Variants in CFHR5 observed in about 807,000 individuals in gnomAD.
The protein encoded by CFHR5 is complement factor H-related protein 5.
A neutral mutation model predicts 62.9 loss-of-function variants in CFHR5; 73 were observed. The ratio of observed to expected loss-of-function variants is 1.16; its 90% CI spans 0.96 to 1.41. CFHR5 has a LOEUF of 1.41. Among genes scored for constraint, CFHR5 ranks in the 40% most tolerant of loss-of-function variants. CFHR5 has a pLI of 0.00. For missense variants in CFHR5, 779 were observed against 679.9 expected, an observed-to-expected ratio of 1.15 and a Z score of -1.62; for synonymous variants, 249 against 227.2, an observed-to-expected ratio of 1.10 and a Z score of -0.86.
chr1:196,996,232 A>C, intron 6 of CFHR5, 31 bp downstream of exon 6: 1 of 1,514,696 alleles, frequency 6.6e-7, no homozygotes, highest in Non-Finnish European at 9.2e-7. Flanking sequence ...TTTATATTTG[A>C]TTATTTATCA....
intron 1 of CFHR5, 88 bp from the exon 2 acceptor site, chr1:196,982,793 CAAAA>C (rs1653574825): frequency 3.2e-6 from 4 of 1,263,606 alleles, no homozygotes; most frequent in Non-Finnish European, 4.6e-6. Flanking sequence ...GAATGAAAAA[CAAAA>C]CTATAAATGA....
intron 7 of CFHR5, among the ~76,000 whole-genome samples, chr1:197,002,030 C>A (rs1008885903): frequency 5.3e-5 from 8 of 152,070 alleles, no homozygotes; most frequent in Non-Finnish European, 1.0e-4. Flanking sequence ...AAATGCAAGT[C>A]ATGGAAATCC....
At chr1:196,987,283 T>C (rs1263905964) in intron 3 of CFHR5, among the ~76,000 whole-genome samples, 1 of 152,024 alleles carries the variant, frequency 6.6e-6, no homozygotes, top group Non-Finnish European at 1.5e-5. Flanking sequence ...ATGGGTAGAT[T>C]GCAAAGATTT....
At chr1:197,004,603 A>T in intron 8 of CFHR5, 58 bp from the exon 9 acceptor site, 1 of 1,298,936 alleles carries the variant, frequency 7.7e-7, no homozygotes, top group Non-Finnish European at 1.1e-6. Context: ...ATGATGCTTC[A>T]TTATATTATT....
chr1:196,981,517 T>TAC (rs1395632834), intron 1 of CFHR5, among the ~76,000 whole-genome samples: 2 of 151,684 alleles, frequency 1.3e-5, no homozygotes, highest in South Asian at 2.1e-4. Context: ...AATATATATA[T>TAC]ACACAAGAAA....
At chr1:196,978,583 A>T (rs966334207) in intron 1 of CFHR5, among the ~76,000 whole-genome samples, 1 of 152,196 alleles carries the variant, frequency 6.6e-6, no homozygotes, top group African/African-American at 2.4e-5. Context: ...CAGTCCTGAC[A>T]TAAGAGAAAA....
At position 196,994,061 on chromosome 1, in the gene CFHR5, C is replaced by A. The variant is rs779465018; in HGVS notation, c.431-19C>A. 1 of 1,589,064 alleles carries A rather than the reference C, an allele frequency of 6.3e-7. No homozygotes were observed. Among genetic ancestry groups the A allele is most frequent in the East Asian group, 2.2e-5 (1 of 44,632 alleles). ...TCTGCAATGAAAATTCACATATGTT[C>A]ATTTAATTTTATTTTTAGAAGGAGA... On this transcript the variant is annotated intron_variant, in intron 3 of 9. Coordinates refer to ENST00000256785, the MANE Select transcript of CFHR5 (RefSeq NM_030787.4).
chr1:197,002,457 A>C, intron 7 of CFHR5, 25 bp from the exon 8 acceptor site: 1 of 1,583,298 alleles, frequency 6.3e-7, no homozygotes, highest in Non-Finnish European at 8.7e-7. Flanking sequence ...TATTAATCAT[A>C]TAATTTAATT....
At chr1:196,975,812 G>A (rs375783922), upstream of CFHR5, among the ~76,000 whole-genome samples, 2 of 152,104 alleles carry the variant, frequency 1.3e-5, no homozygotes, top group Non-Finnish European at 2.9e-5. Flanking sequence ...TTCAATTCAG[G>A]CACAGGGCAG....
chr1:197,002,261 T>C (rs1654172126), intron 7 of CFHR5, among the ~76,000 whole-genome samples: 1 of 152,108 alleles, frequency 6.6e-6, no homozygotes, highest in South Asian at 2.1e-4. Flanking sequence ...TTTAAACTAA[T>C]GGTTATAACA....
At position 197,007,767 on chromosome 1, in the gene CFHR5, ATATGT is replaced by A. The variant is rs1015588796; in HGVS notation, c.1514-714_1514-710del. Among the ~76,000 whole-genome samples, 82 of 147,524 alleles carry A rather than the reference ATATGT, an allele frequency of 5.6e-4. 1 individual carries two copies. Among genetic ancestry groups the A allele is most frequent in the African/African-American group, 1.4e-3 (57 of 40,614 alleles). ...TATGTATACATATAATATACATATA[ATATGT>A]TATGTATAATATATTATATTATACA... On this transcript the variant is annotated intron_variant, in intron 9 of 9. Coordinates refer to ENST00000256785, the MANE Select transcript of CFHR5 (RefSeq NM_030787.4).
chr1:196,989,977 G>A (rs143906875), intron 3 of CFHR5, among the ~76,000 whole-genome samples: 2,029 of 152,224 alleles, frequency 0.013, 57 homozygotes, highest in African/African-American at 0.046. Context: ...GGGTGTTAAA[G>A]TCTCCCATTA....
At chr1:197,005,064 T>A (rs1037319024) in intron 9 of CFHR5, among the ~76,000 whole-genome samples, 3 of 152,194 alleles carry the variant, frequency 2.0e-5, no homozygotes, top group Admixed American at 2.0e-4. Context: ...CTACATGTGA[T>A]AAGGTGCATT....
rs111327589 is a variant in CFHR5 at position 196,998,292 on chromosome 1, G to C, written c.1135G>C (p.Val379Leu). Residue 379 changes from valine to leucine, a missense_variant, in exon 7 of 10, where the codon GTA becomes CTA. Physicochemically the swap from Val to Leu is conservative, Grantham distance 32. Transcript: ENST00000256785. ...TATAAACGGGAAATGGAATCCTGAAGTAGACTGCACAGGTAAGATTTGTTT... is the reference window on the plus strand; with the variant it reads ...TATAAACGGGAAATGGAATCCTGAACTAGACTGCACAGGTAAGATTTGTTT... ...VCINGKWNPE[V>L]DCTEKREQFC... is the part of the protein sequence containing the mutation. 1,774 of 1,610,934 alleles carry C rather than the reference G, an allele frequency of 1.1e-3. 25 individuals carry two copies. In the African/African-American group the frequency reaches 0.015, roughly 13 times the overall value.
intron 9 of CFHR5, 93 bp from the exon 10 acceptor site, chr1:197,008,394 T>C: frequency 1.5e-6 from 1 of 656,004 alleles, no homozygotes. Context: ...ATCATTTTAA[T>C]TCCAAAATAT....
At chr1:196,990,718 T>C (rs907832969) in intron 3 of CFHR5, among the ~76,000 whole-genome samples, 5 of 152,196 alleles carry the variant, frequency 3.3e-5, no homozygotes, top group African/African-American at 1.2e-4. Flanking sequence ...TTCTGGCTTG[T>C]AGAGTTTCTG....
intron 1 of CFHR5, 65 bp from the exon 2 acceptor site, chr1:196,982,820 A>C (rs1298281578): frequency 4.1e-6 from 6 of 1,449,618 alleles, no homozygotes; most frequent in African/African-American, 1.4e-5. Flanking sequence ...TGACTAAAAT[A>C]TAATCTAGTG....
At chr1:196,979,532 C>T (rs1033066559) in intron 1 of CFHR5, among the ~76,000 whole-genome samples, 1 of 151,938 alleles carries the variant, frequency 6.6e-6, no homozygotes, top group African/African-American at 2.4e-5. Flanking sequence ...ATAAAAGGTA[C>T]AATAAAAATA....
At chr1:197,002,711 A>C in intron 8 of CFHR5, 47 bp downstream of exon 8, 1 of 1,465,574 alleles carries the variant, frequency 6.8e-7, no homozygotes, top group Non-Finnish European at 9.5e-7. Flanking sequence ...GAGGTTATTA[A>C]TCCCCTTTGC....
Sources: allele counts gnomAD v4.1 joint callset (sites outside exome capture counted in the v4.1 genomes callset), GRCh38; gene constraint gnomAD v4.1.1; transcripts MANE v1.5; gene names NCBI Gene and HGNC (gene_info 2026-07-23, HGNC 2026-07-21).